The following KPNA5 variants were observed in gnomAD, a reference collection of about 807,000 sequenced individuals.
The protein encoded by KPNA5 is importin subunit alpha-6.
Under a neutral mutation model 71.3 loss-of-function variants are expected in KPNA5, and 46 were observed. That is an observed-to-expected ratio of 0.65 (90% confidence interval 0.51 to 0.83). The LOEUF is 0.83. Among genes scored for constraint, KPNA5 ranks in the 40% least tolerant of loss-of-function variants. The probability of loss-of-function intolerance (pLI) is 0.00; values close to 1 mark genes in which losing one functional copy is unlikely to be tolerated. For synonymous variants in KPNA5, 207 were observed against 201.4 expected (o/e 1.03, Z -0.24); for missense variants, 547 against 628.3 (o/e 0.87, Z 1.38).
In KPNA5 at chr6:116,705,065, T is replaced by C. The variant is rs746075295; in HGVS notation, c.568-7T>C. 4 of 1,603,318 alleles carry C rather than the reference T, an allele frequency of 2.5e-6. No homozygotes were observed. Among genetic ancestry groups the C allele is most frequent in the East Asian group, 2.2e-5 (1 of 44,736 alleles). On this transcript the variant is annotated splice_polypyrimidine_tract_variant and splice_region_variant and intron_variant, in intron 6 of 13. Coordinates refer to ENST00000368564, the MANE Select transcript of KPNA5 (RefSeq NM_001366306.2). ...ATTGTCTTAAGATAATTTTTTTTTT[T>C]CCTAAGGCTGTTTGGGCACTTGGTA...
At position 116,737,956 on chromosome 6, in the gene KPNA5, T is replaced by G. The variant is rs961385495; in HGVS notation, c.*5633T>G. On this transcript the variant is annotated 3_prime_UTR_variant, in exon 14 of 14. Transcript: ENST00000368564. ...GTCTTTCCCTAATTTCCCTAAACAT[T>G]TAAGGTTGTTAAATGTTTAATTTGG... The G allele has an allele frequency of 6.6e-6, 1 of 151,970 alleles. No homozygotes were observed. Among genetic ancestry groups the G allele is most frequent in the African/African-American group, 2.4e-5 (1 of 41,412 alleles). 9.4% of individuals were successfully genotyped at this position (151,970 alleles called of 1,614,324 possible). A position where few individuals can be genotyped will look rare whatever the true frequency, so the allele number is the denominator to read the frequency against.
intron 12 of KPNA5, among the ~76,000 whole-genome samples, chr6:116,728,555 T>C (rs920933751): frequency 2.0e-5 from 3 of 152,304 alleles, no homozygotes; most frequent in African/African-American, 7.2e-5. Context: ...TGTAATCTCT[T>C]AACTATGAGG....
At chr6:116,681,446 G>T in intron 1 of KPNA5, 108 bp downstream of exon 1, 2 of 1,443,506 alleles carry the variant, frequency 1.4e-6, no homozygotes, top group Admixed American at 5.8e-5. Context: ...ACTTTGCGAA[G>T]GTCTCTGGAA....
chr6:116,705,243 A>T, intron 7 of KPNA5, 83 bp downstream of exon 7: 3 of 1,051,732 alleles, frequency 2.9e-6, no homozygotes, highest in Non-Finnish European at 4.1e-6. Flanking sequence ...TTCTTCAGTC[A>T]TACTTGTAAA....
chr6:116,720,468 A>G (rs1440966159), intron 8 of KPNA5, among the ~76,000 whole-genome samples: 1 of 152,104 alleles, frequency 6.6e-6, no homozygotes, highest in Non-Finnish European at 1.5e-5. Context: ...AATACTGGAA[A>G]TAGGTATTAG....
Position 116,741,354 on chromosome 6 carries a change from A to G in KPNA5, c.*9031A>G, listed in dbSNP as rs1032800751. The G allele has an allele frequency of 3.0e-5, 4 of 131,660 alleles. No individual in the cohort carries two copies. Among genetic ancestry groups the G allele is most frequent in the South Asian group, 5.1e-4 (2 of 3,958 alleles). The allele number at this position is 131,660 out of a possible 1,614,324, so 8.2% of individuals were successfully genotyped here. ...TTTGTGCATAGAAATTTAGAATTAC[A>G]TCTTTTTTTTTAAGGTTCAGATGAG... is the stretch of plus-strand genomic sequence containing the variant. On this transcript the variant is annotated 3_prime_UTR_variant, in exon 14 of 14. Transcript: ENST00000368564.
At chr6:116,709,140 T>C (rs1778556495) in intron 7 of KPNA5, among the ~76,000 whole-genome samples, 1 of 152,184 alleles carries the variant, frequency 6.6e-6, no homozygotes, top group Admixed American at 6.6e-5. Flanking sequence ...CACTAATAGT[T>C]TTTTTGTAGA....
intron 1 of KPNA5, 94 bp from the exon 2 acceptor site, chr6:116,689,226 C>A: frequency 7.6e-7 from 1 of 1,319,186 alleles, no homozygotes; most frequent in Non-Finnish European, 1.0e-6. Context: ...ACCTGTTAAT[C>A]AGTGAGCCTG....
At chr6:116,728,378 C>T (rs994802577) in intron 12 of KPNA5, among the ~76,000 whole-genome samples, 1 of 152,006 alleles carries the variant, frequency 6.6e-6, no homozygotes, top group Admixed American at 6.6e-5. Context: ...CCACTTTTAT[C>T]ATTTCATTAA....
At chr6:116,724,689 TAAGCAGTCCTCCTGGCTC>T (rs562308965) in intron 10 of KPNA5, among the ~76,000 whole-genome samples, 383 of 152,216 alleles carry the variant, frequency 2.5e-3, no homozygotes, top group Non-Finnish European at 4.0e-3. Context: ...CTCCCTGGCT[TAAGCAGTCCTCCTGGCTC>T]AAGCAGTCCT....
intron 1 of KPNA5, among the ~76,000 whole-genome samples, chr6:116,687,669 T>C (rs1205460073): frequency 6.6e-6 from 1 of 152,194 alleles, no homozygotes; most frequent in African/African-American, 2.4e-5. Flanking sequence ...GCCATACTAC[T>C]CAGATGGCTC....
chr6:116,709,209 C>T (rs1159326205), intron 7 of KPNA5, among the ~76,000 whole-genome samples: 2 of 152,152 alleles, frequency 1.3e-5, no homozygotes, highest in African/African-American at 4.8e-5. Context: ...AGTTTCATTG[C>T]TGAGCATAAT....
chr6:116,683,612 C>T (rs1777447009), intron 1 of KPNA5, among the ~76,000 whole-genome samples: 1 of 152,026 alleles, frequency 6.6e-6, no homozygotes, highest in African/African-American at 2.4e-5. Flanking sequence ...TGGAGTCTCA[C>T]TCTGTGGCCC....
chr6:116,693,869 G>C (rs1165379), intron 4 of KPNA5, among the ~76,000 whole-genome samples: 1 of 151,590 alleles, frequency 6.6e-6, no homozygotes, highest in African/African-American at 2.4e-5. Flanking sequence ...TATGGTTTTA[G>C]GTCTAACATG....
chr6:116,700,783 T>A (rs1778202174), intron 5 of KPNA5, among the ~76,000 whole-genome samples: 1 of 152,230 alleles, frequency 6.6e-6, no homozygotes, highest in Admixed American at 6.5e-5. Context: ...GTGTTGGCAC[T>A]GTTGTCAGAT....
In KPNA5 at chr6:116,732,413, A is replaced by G. The variant is rs1779535975; in HGVS notation, c.*90A>G. ...AATGTAAGAATGTTTGTTTTTTTAC[A>G]TAGAACAGTAAAGAGAATTTGATGC... On this transcript the variant is annotated 3_prime_UTR_variant, in exon 14 of 14. Coordinates refer to ENST00000368564, the MANE Select transcript of KPNA5 (RefSeq NM_001366306.2). 2.9e-6 allele frequency: 2 copies of G among 680,196 alleles called. No homozygotes were observed. The highest frequency in any genetic ancestry group is 4.5e-6 in the Non-Finnish European group (2 of 448,636). The allele number at this position is 680,196 out of a possible 1,614,324, so 42.1% of individuals were successfully genotyped here.
At position 116,729,579 on chromosome 6, in the gene KPNA5, G is replaced by A; in HGVS notation, c.1270G>A (p.Gly424Ser). Residue 424 changes from glycine to serine, a missense_variant, in exon 13 of 14, where the codon GGC becomes AGC. Gly to Ser is a moderately conservative substitution (Grantham distance 56). Coordinates refer to ENST00000368564, the MANE Select transcript of KPNA5 (RefSeq NM_001366306.2). ...AATCTGAAGGTATTTGGTAGCTTTA[G>A]GCTGCATTAAACCACTTTGTGATCT... ...PEQIRYLVAL[G>S]CIKPLCDLLT... The A allele has an allele frequency of 6.4e-7, 1 of 1,570,878 alleles. No homozygotes were observed. Among genetic ancestry groups the A allele is most frequent in the Non-Finnish European group, 8.6e-7 (1 of 1,157,520 alleles).
At chr6:116,694,432 C>T (rs1456921359) in intron 4 of KPNA5, among the ~76,000 whole-genome samples, 1 of 152,072 alleles carries the variant, frequency 6.6e-6, no homozygotes, top group Non-Finnish European at 1.5e-5. Flanking sequence ...GTTTGTAGTT[C>T]TCCTTGAAGA....
chr6:116,720,905 T>A (rs1372888915), intron 8 of KPNA5, among the ~76,000 whole-genome samples: 4 of 152,214 alleles, frequency 2.6e-5, no homozygotes, highest in Non-Finnish European at 5.9e-5. Flanking sequence ...GAAGCTTGAT[T>A]GCTGGAGAAG....
Sources: gnomAD v4.1 joint callset for allele counts (sites outside exome capture counted in the v4.1 genomes callset) on GRCh38, gnomAD v4.1.1 for gene constraint, MANE v1.5 for transcripts, NCBI Gene and HGNC (gene_info 2026-07-23, HGNC 2026-07-21) for gene names.